RGSL1: variants seen among roughly 807,000 people sequenced by gnomAD.
RGSL1 encodes regulator of G protein signaling like 1.
In RGSL1, 97 loss-of-function variants were observed where a neutral mutation model predicts 124.7. The ratio of observed to expected loss-of-function variants is 0.78; its 90% CI spans 0.66 to 0.92. RGSL1 has a LOEUF of 0.92. Among genes scored for constraint, RGSL1 ranks in the 40% least tolerant of loss-of-function variants. The probability of loss-of-function intolerance (pLI) is 0.00; values close to 1 mark genes in which losing one functional copy is unlikely to be tolerated. For synonymous variants in RGSL1, 424 were observed against 438.1 expected, an observed-to-expected ratio of 0.97 and a Z score of 0.40; for missense variants, 1,233 against 1,288.4, an observed-to-expected ratio of 0.96 and a Z score of 0.66.
At chr1:182,546,838 A>G (rs1226929136) in intron 15 of RGSL1, among the ~76,000 whole-genome samples, 2 of 152,276 alleles carry the variant, frequency 1.3e-5, no homozygotes, top group African/African-American at 4.8e-5. Context: ...GTTACTAATT[A>G]TCTTTACAAT....
chr1:182,479,817 A>T (rs1448834593), intron 6 of RGSL1, among the ~76,000 whole-genome samples: 2 of 152,234 alleles, frequency 1.3e-5, no homozygotes, highest in African/African-American at 2.4e-5. Flanking sequence ...TGGTAACCCA[A>T]AAAAGCATAT....
At chr1:182,533,699 A>T (rs1413659079) in intron 14 of RGSL1, among the ~76,000 whole-genome samples, 1 of 152,182 alleles carries the variant, frequency 6.6e-6, no homozygotes, top group Non-Finnish European at 1.5e-5. Flanking sequence ...TCTATTTCAC[A>T]GGGTTATTAG....
chr1:182,549,027 T>C (rs79946787), intron 17 of RGSL1: 10,591 of 564,926 alleles, frequency 0.019, 806 homozygotes, highest in African/African-American at 0.17. Flanking sequence ...GAAGGCAGAG[T>C]AAGACTGAGA....
At chr1:182,448,910 G>T (rs1651632172), upstream of RGSL1, among the ~76,000 whole-genome samples, 1 of 152,152 alleles carries the variant, frequency 6.6e-6, no homozygotes, top group Non-Finnish European at 1.5e-5. Context: ...AAGGGTAGGT[G>T]CACACAGCTT....
intron 8 of RGSL1, among the ~76,000 whole-genome samples, chr1:182,490,484 G>A (rs2102100660): frequency 6.6e-6 from 1 of 152,288 alleles, no homozygotes; most frequent in South Asian, 2.1e-4. Context: ...CTGGATGCCT[G>A]TCTGTCAGAG....
At chr1:182,552,572 C>A (rs1660632960) in intron 18 of RGSL1, among the ~76,000 whole-genome samples, 1 of 152,202 alleles carries the variant, frequency 6.6e-6, no homozygotes, top group Admixed American at 6.5e-5. Context: ...GCTGTGAGAC[C>A]TTGAGCATGG....
Position 182,540,386 on chromosome 1 carries a change from G to A in RGSL1, c.2634G>A (p.Ala878=), listed in dbSNP as rs148372222. The A allele has an allele frequency of 3.6e-4, 560 of 1,550,898 alleles. No individual in the cohort carries two copies. The highest frequency in any genetic ancestry group is 4.6e-4 in the Non-Finnish European group (525 of 1,146,600). The change falls in exon 15 of 22, where the codon GCG becomes GCA. Residue 878 remains alanine (A), a synonymous_variant. Coordinates refer to ENST00000294854, the MANE Select transcript of RGSL1 (RefSeq NM_001137669.2). The part of the protein sequence containing the change: ...FGHRIITVNF[A]INDLYFFSEM... Reference sequence around the variant, plus strand: ...ACAGGATTATCACTGTCAACTTTGCGATCAATGATCTATATTTCTTTTCTG... The same window carrying A: ...ACAGGATTATCACTGTCAACTTTGCAATCAATGATCTATATTTCTTTTCTG...
chr1:182,460,075 G>C lies in RGSL1; in HGVS notation c.243G>C (p.Leu81Phe). 6.4e-7 allele frequency: 1 copy of C among 1,551,582 alleles called. No individual in the cohort carries two copies. The highest frequency in any genetic ancestry group is 8.7e-7 in the Non-Finnish European group (1 of 1,146,956). The change falls in exon 4 of 22, where the codon TTG becomes TTC. Residue 81 changes from leucine to phenylalanine, a missense_variant. Leu to Phe is a conservative substitution (Grantham distance 22). Coordinates refer to ENST00000294854, the MANE Select transcript of RGSL1 (RefSeq NM_001137669.2). Reference sequence around the variant, plus strand: ...TACCTTTCTTCTGTAAAACAAACTTGTGTTTCCATTACATTCTCTGTCAGG... The same window carrying C: ...TACCTTTCTTCTGTAAAACAAACTTCTGTTTCCATTACATTCTCTGTCAGG... ...CRLPFFCKTN[L>F]CFHYILCQEF...
intron 9 of RGSL1, among the ~76,000 whole-genome samples, chr1:182,521,733 G>A (rs111587913): frequency 0.017 from 2,534 of 152,242 alleles, 71 homozygotes; most frequent in African/African-American, 0.057. Context: ...CTAATGTAAC[G>A]AGGAGAGAGG....
At chr1:182,448,903 G>A (rs1364426303), upstream of RGSL1, among the ~76,000 whole-genome samples, 3 of 152,138 alleles carry the variant, frequency 2.0e-5, no homozygotes, top group Non-Finnish European at 2.9e-5. Context: ...AGGACTCAAG[G>A]GTAGGTGCAC....
intron 10 of RGSL1, among the ~76,000 whole-genome samples, chr1:182,522,919 T>C (rs1487444260): frequency 6.6e-6 from 1 of 152,234 alleles, no homozygotes; most frequent in Non-Finnish European, 1.5e-5. Flanking sequence ...GCTAGCTATA[T>C]AAAAGGTCCT....
rs140528985 is a variant in RGSL1 at position 182,480,486 on chromosome 1, C to T, written c.1431+5944C>T. ...TTTTTTTTTTTTTTTGACAGAGTCACGCTCTGTCACCCAGGCTGGAGTGCA... is the reference window on the plus strand; with the variant it reads ...TTTTTTTTTTTTTTTGACAGAGTCATGCTCTGTCACCCAGGCTGGAGTGCA... On this transcript the variant is annotated intron_variant, in intron 6 of 21. Coordinates refer to ENST00000294854, the MANE Select transcript of RGSL1 (RefSeq NM_001137669.2). 8.6e-3 allele frequency among the ~76,000 whole-genome samples: 1,281 copies of T among 149,604 alleles called. 26 individuals carry two copies. Among genetic ancestry groups the T allele is most frequent in the African/African-American group, 0.029 (1,159 of 40,450 alleles).
At chr1:182,475,224 A>C (rs1208443344) in intron 6 of RGSL1, among the ~76,000 whole-genome samples, 1 of 152,242 alleles carries the variant, frequency 6.6e-6, no homozygotes, top group Non-Finnish European at 1.5e-5. Context: ...GTCTCCCTTT[A>C]CTAGACTAGC....
chr1:182,509,245 A>C (rs1657105496), intron 9 of RGSL1, among the ~76,000 whole-genome samples: 1 of 52,370 alleles, frequency 1.9e-5, no homozygotes, highest in African/African-American at 6.2e-5. Context: ...GGGGCTCCTC[A>C]CTTCCCAGTA....
At chr1:182,476,147 G>T (rs1482681285) in intron 6 of RGSL1, among the ~76,000 whole-genome samples, 2 of 152,112 alleles carry the variant, frequency 1.3e-5, no homozygotes, top group Non-Finnish European at 2.9e-5. Context: ...CAGTCTAGTG[G>T]ATCCACAACC....
chr1:182,554,735 C>T, intron 20 of RGSL1, 42 bp downstream of exon 20: 1 of 1,536,760 alleles, frequency 6.5e-7, no homozygotes. Context: ...TCCAGAGCTG[C>T]TATGTCCAAG....
chr1:182,548,577 G>A (rs1445063148), intron 16 of RGSL1, 122 bp downstream of exon 16: 2 of 1,506,418 alleles, frequency 1.3e-6, no homozygotes, highest in Non-Finnish European at 1.8e-6. Context: ...CCTTTACCTA[G>A]CAACTCCATG....
intron 5 of RGSL1, among the ~76,000 whole-genome samples, chr1:182,473,218 G>T (rs552450866): frequency 6.6e-6 from 1 of 152,308 alleles, no homozygotes; most frequent in East Asian, 1.9e-4. Context: ...TACTTATCCA[G>T]TCCAAACCTC....
chr1:182,548,764 G>A lies in RGSL1; in HGVS notation c.2873G>A (p.Arg958Gln), dbSNP rs554917759. 4.5e-5 allele frequency: 70 copies of A among 1,551,514 alleles called. No homozygotes were observed. The African/African-American group carries it at 4.5e-4, about 10-fold the overall frequency. Residue 958 changes from arginine to glutamine, a missense_variant, in exon 17 of 22, where the codon CGG becomes CAG. Coordinates refer to ENST00000294854, the MANE Select transcript of RGSL1 (RefSeq NM_001137669.2). ...LAAITEGYLD[R>Q]SVFHGAIMSV... Reference sequence around the variant, plus strand: ...GCCATCACAGAGGGCTACCTAGATCGGAGCGTCTTCCATGGGGCTATCATG... The same window carrying A: ...GCCATCACAGAGGGCTACCTAGATCAGAGCGTCTTCCATGGGGCTATCATG...
Sources: gnomAD v4.1 joint callset for allele counts (sites outside exome capture counted in the v4.1 genomes callset) on GRCh38, gnomAD v4.1.1 for gene constraint, MANE v1.5 for transcripts, NCBI Gene and HGNC (gene_info 2026-07-23, HGNC 2026-07-21) for gene names.